Variants in FNBP1L observed in about 807,000 individuals in gnomAD.
FNBP1L encodes the protein formin binding protein 1 like.
FNBP1L carries 36 observed loss-of-function variants against 91.2 expected under a neutral mutation model. The ratio of observed to expected loss-of-function variants is 0.39; its 90% CI spans 0.30 to 0.52. The LOEUF is 0.52. Among genes scored for constraint, FNBP1L ranks in the 20% least tolerant of loss-of-function variants. The pLI, the probability that FNBP1L is intolerant of heterozygous loss-of-function variation, is 0.66. For synonymous variants in FNBP1L, 242 were observed against 237.0 expected, an observed-to-expected ratio of 1.02 and a Z score of -0.19; for missense variants, 571 against 732.1, an observed-to-expected ratio of 0.78 and a Z score of 2.54.
intron 12 of FNBP1L, among the ~76,000 whole-genome samples, chr1:93,546,511 GGA>G (rs1672242450): frequency 6.6e-6 from 1 of 152,000 alleles, no homozygotes; most frequent in South Asian, 2.1e-4. Flanking sequence ...GTTTGATTTG[GGA>G]CATGATGAGC....
At chr1:93,487,700 A>G (rs1669954182) in intron 1 of FNBP1L, among the ~76,000 whole-genome samples, 4 of 152,216 alleles carry the variant, frequency 2.6e-5, no homozygotes, top group Admixed American at 2.6e-4. Context: ...TCATCACTGT[A>G]GTGATCTTCA....
At chr1:93,531,702 G>T (rs1671682787) in intron 7 of FNBP1L, among the ~76,000 whole-genome samples, 1 of 152,158 alleles carries the variant, frequency 6.6e-6, no homozygotes, top group African/African-American at 2.4e-5. Context: ...TGCTTTTCTA[G>T]GCTTAGTAGT....
chr1:93,501,879 A>C (rs539737675), intron 2 of FNBP1L, among the ~76,000 whole-genome samples: 1 of 152,292 alleles, frequency 6.6e-6, no homozygotes. Flanking sequence ...TAGCATTTTC[A>C]TTTCTAAACT....
At chr1:93,456,567 C>G (rs963354071) in intron 1 of FNBP1L, among the ~76,000 whole-genome samples, 2 of 146,930 alleles carry the variant, frequency 1.4e-5, no homozygotes, top group Non-Finnish European at 3.0e-5. Context: ...CCCAGAGAAA[C>G]CAGCCTGGGC....
chr1:93,472,705 G>C (rs943954283), intron 1 of FNBP1L, among the ~76,000 whole-genome samples: 7 of 150,394 alleles, frequency 4.7e-5, no homozygotes, highest in Non-Finnish European at 8.9e-5. Context: ...CCAGCTACTC[G>C]GGAGGCTGAG....
At chr1:93,539,727 C>T (rs1671964989) in intron 10 of FNBP1L, among the ~76,000 whole-genome samples, 1 of 151,906 alleles carries the variant, frequency 6.6e-6, no homozygotes, top group Non-Finnish European at 1.5e-5. Flanking sequence ...TTCTTCAAAC[C>T]TTTCTATTTC....
intron 1 of FNBP1L, among the ~76,000 whole-genome samples, chr1:93,454,612 A>G (rs1229467174): frequency 6.6e-6 from 1 of 152,166 alleles, no homozygotes; most frequent in Non-Finnish European, 1.5e-5. Context: ...ATATATTATT[A>G]CTACAGCTCG....
chr1:93,448,119 G>A lies in FNBP1L; in HGVS notation c.-163G>A, dbSNP rs1470478066. The A allele has an allele frequency of 1.2e-6, 1 of 859,158 alleles. No individual in the cohort carries two copies. The highest frequency in any genetic ancestry group is 1.7e-6 in the Non-Finnish European group (1 of 576,576). The allele number at this position is 859,158 out of a possible 1,614,324, so 53.2% of individuals were successfully genotyped here. On this transcript the variant is annotated 5_prime_UTR_variant, in exon 1 of 17. Transcript: ENST00000271234. ...CGCGTCGGCGGCGGAGGCTTCTCCA[G>A]TCGCGTCTTTCTCACTCACTGGGGA...
At chr1:93,473,378 G>A (rs1297412397) in intron 1 of FNBP1L, among the ~76,000 whole-genome samples, 7 of 152,038 alleles carry the variant, frequency 4.6e-5, no homozygotes, top group Admixed American at 4.6e-4. Flanking sequence ...GAGATAAGTA[G>A]TGGTATTCCC....
chr1:93,480,849 A>G (rs1669678158), intron 1 of FNBP1L, among the ~76,000 whole-genome samples: 3 of 152,210 alleles, frequency 2.0e-5, no homozygotes, highest in Admixed American at 2.0e-4. Context: ...GGCGTGAGCC[A>G]CTGTGCCTGG....
At chr1:93,477,141 A>G (rs1669524553) in intron 1 of FNBP1L, among the ~76,000 whole-genome samples, 1 of 152,236 alleles carries the variant, frequency 6.6e-6, no homozygotes. Flanking sequence ...AGATTAGAGG[A>G]TAATTAGAAA....
At chr1:93,530,618 A>C (rs1671641566) in intron 6 of FNBP1L, 137 bp from the exon 7 acceptor site, 2 of 849,968 alleles carry the variant, frequency 2.4e-6, no homozygotes, top group Admixed American at 6.3e-5. Flanking sequence ...AGTTCAAAAA[A>C]GTTATGCCAC....
intron 1 of FNBP1L, among the ~76,000 whole-genome samples, chr1:93,472,538 CGT>C (rs1669326577): frequency 6.6e-6 from 1 of 151,516 alleles, no homozygotes; most frequent in Non-Finnish European, 1.5e-5. Flanking sequence ...CTCGGCCGGG[CGT>C]GGTGGCTTAT....
intron 9 of FNBP1L, among the ~76,000 whole-genome samples, chr1:93,535,142 C>G (rs1192203842): frequency 1.3e-5 from 2 of 151,926 alleles, no homozygotes; most frequent in Non-Finnish European, 2.9e-5. Flanking sequence ...TTGTTAATAT[C>G]TAGTTAAGTT....
chr1:93,515,057 C>CA (rs1263478871), intron 2 of FNBP1L, among the ~76,000 whole-genome samples: 2 of 152,018 alleles, frequency 1.3e-5, no homozygotes, highest in African/African-American at 4.8e-5. Flanking sequence ...ACAACGAACT[C>CA]AAACAAATTT....
At chr1:93,478,934 C>T (rs577437727) in intron 1 of FNBP1L, among the ~76,000 whole-genome samples, 155 of 152,296 alleles carry the variant, frequency 1.0e-3, no homozygotes, top group African/African-American at 3.5e-3. Context: ...AATGATTTGA[C>T]ACATCCTGAG....
At chr1:93,523,098 T>G (rs777987527) in intron 3 of FNBP1L, among the ~76,000 whole-genome samples, 7 of 152,194 alleles carry the variant, frequency 4.6e-5, no homozygotes, top group African/African-American at 1.4e-4. Context: ...GCAGGTAGTA[T>G]TCTTATTATT....
At chr1:93,479,086 G>A (rs757350434) in intron 1 of FNBP1L, among the ~76,000 whole-genome samples, 1 of 152,168 alleles carries the variant, frequency 6.6e-6, no homozygotes, top group Non-Finnish European at 1.5e-5. Flanking sequence ...CCTGTCGGCC[G>A]GTCTGAGAAA....
chr1:93,540,496 A>T (rs1672001380), intron 10 of FNBP1L, among the ~76,000 whole-genome samples: 1 of 152,148 alleles, frequency 6.6e-6, no homozygotes, highest in African/African-American at 2.4e-5. Flanking sequence ...TGTACATTTT[A>T]AAAGATTTTA....
Sources: gnomAD v4.1 joint callset for allele counts (sites outside exome capture counted in the v4.1 genomes callset) on GRCh38, gnomAD v4.1.1 for gene constraint, MANE v1.5 for transcripts, NCBI Gene and HGNC (gene_info 2026-07-23, HGNC 2026-07-21) for gene names.